The following PRKG1 variants were observed in gnomAD, a reference collection of about 807,000 sequenced individuals.
PRKG1 encodes the protein protein kinase cGMP-dependent 1.
Under a neutral mutation model 88.1 loss-of-function variants are expected in PRKG1, and 35 were observed. The observed-to-expected ratio is 0.40, with a 90% CI of 0.30 to 0.53. PRKG1 has a LOEUF of 0.53. Among genes scored for constraint, PRKG1 ranks in the 20% least tolerant of loss-of-function variants. The probability of loss-of-function intolerance (pLI) is 0.59; values close to 1 mark genes in which losing one functional copy is unlikely to be tolerated. For synonymous variants in PRKG1, 303 were observed against 292.5 expected, an observed-to-expected ratio of 1.04 and a Z score of -0.37; for missense variants, 540 against 839.8, an observed-to-expected ratio of 0.64 and a Z score of 4.41.
At chr10:51,894,386 C>T (rs57005928) in intron 4 of PRKG1, among the ~76,000 whole-genome samples, 4 of 152,064 alleles carry the variant, frequency 2.6e-5, no homozygotes, top group African/African-American at 9.7e-5. Flanking sequence ...AGAAAGTAGA[C>T]TAGTGGTTGA....
chr10:51,669,504 C>A (rs74906283), intron 3 of PRKG1, among the ~76,000 whole-genome samples: 2,131 of 152,246 alleles, frequency 0.014, 61 homozygotes, highest in African/African-American at 0.045. Flanking sequence ...GCTCATAGCA[C>A]ATAATATGGA....
intron 6 of PRKG1, among the ~76,000 whole-genome samples, chr10:52,059,583 T>G (rs1846188245): frequency 6.6e-6 from 1 of 152,014 alleles, no homozygotes; most frequent in Non-Finnish European, 1.5e-5. Context: ...CTCAAAAAGA[T>G]AAAATTAGTT....
chr10:51,044,653 G>T lies in PRKG1; in HGVS notation c.266+53009G>T, dbSNP rs116335304. 8.0e-3 allele frequency among the ~76,000 whole-genome samples: 1,219 copies of T among 152,082 alleles called. 23 individuals are homozygous for T. Among genetic ancestry groups the T allele is most frequent in the African/African-American group, 0.028 (1,141 of 41,464 alleles). Reference sequence around the variant, plus strand: ...CATAGCTTATAGACTCCCCTCCTTTGAGAGGCAAGGCAGGCTGTGGTGCCT... The same window carrying T: ...CATAGCTTATAGACTCCCCTCCTTTTAGAGGCAAGGCAGGCTGTGGTGCCT... On this transcript the variant is annotated intron_variant, in intron 1 of 17. Coordinates refer to the PRKG1 transcript ENST00000401604.
chr10:51,093,796 A>G (rs1171054940), intron 1 of PRKG1, among the ~76,000 whole-genome samples: 1 of 117,198 alleles, frequency 8.5e-6, no homozygotes, highest in Non-Finnish European at 1.6e-5. Flanking sequence ...TTTTATATAT[A>G]TATATACACA....
At chr10:51,708,532 C>T (rs1005111554) in intron 3 of PRKG1, among the ~76,000 whole-genome samples, 55 of 152,292 alleles carry the variant, frequency 3.6e-4, no homozygotes, top group African/African-American at 1.3e-3. Flanking sequence ...CACTCCCTTC[C>T]TCACTCCCTC....
chr10:52,062,515 C>T (rs1386385456), intron 6 of PRKG1, 22 bp from the exon 7 acceptor site: 3 of 1,506,380 alleles, frequency 2.0e-6, no homozygotes, highest in Non-Finnish European at 2.7e-6. Context: ...TGGATCTAAA[C>T]TTTCATTGTT....
chr10:52,215,029 A>G (rs1840074610), intron 9 of PRKG1, among the ~76,000 whole-genome samples: 2 of 128,676 alleles, frequency 1.6e-5, no homozygotes, highest in African/African-American at 6.1e-5. Flanking sequence ...TAATGATAAA[A>G]GTTTTTTCAA....
At chr10:51,370,411 G>T (rs1290365415) in intron 2 of PRKG1, among the ~76,000 whole-genome samples, 1 of 151,816 alleles carries the variant, frequency 6.6e-6, no homozygotes, top group Non-Finnish European at 1.5e-5. Context: ...TTCCTAAGGA[G>T]GCTGGAGGTT....
chr10:52,210,382 A>C (rs1488839328), intron 9 of PRKG1, among the ~76,000 whole-genome samples: 1 of 151,698 alleles, frequency 6.6e-6, no homozygotes, highest in African/African-American at 2.4e-5. Flanking sequence ...TATTCCTGTC[A>C]CTGGATTCTT....
chr10:51,269,873 G>A (rs1167330021), intron 2 of PRKG1, among the ~76,000 whole-genome samples: 7 of 152,216 alleles, frequency 4.6e-5, no homozygotes, highest in Middle Eastern at 3.4e-3. Context: ...AATAAAAAAG[G>A]AATCAAATGC....
At chr10:51,712,613 G>A (rs1456902354) in intron 3 of PRKG1, among the ~76,000 whole-genome samples, 16 of 115,128 alleles carry the variant, frequency 1.4e-4, no homozygotes, top group Admixed American at 1.3e-3. Context: ...TTTTTGAGAC[G>A]GAGTCTCGCT....
chr10:51,632,230 A>C (rs1318414594), intron 3 of PRKG1, among the ~76,000 whole-genome samples: 3 of 152,160 alleles, frequency 2.0e-5, no homozygotes, highest in African/African-American at 4.8e-5. Context: ...TGATCCTAGC[A>C]GATTAGAAAA....
At chr10:52,194,693 A>C (rs1054596061) in intron 9 of PRKG1, among the ~76,000 whole-genome samples, 1 of 152,180 alleles carries the variant, frequency 6.6e-6, no homozygotes, top group African/African-American at 2.4e-5. Context: ...AGTAAATTTC[A>C]ATTTAGCTAT....
In PRKG1 at chr10:52,187,292, A is replaced by G. The variant is rs542624309; in HGVS notation, c.1076+25329A>G. ...TTTTTACATTAGATGTTAAGTCACT[A>G]TAGTAGCCTCAAATGTATAATACAA... On this transcript the variant is annotated intron_variant, in intron 9 of 17. Transcript: ENST00000373980. Among the ~76,000 whole-genome samples, 9 of 152,298 alleles carry G rather than the reference A, an allele frequency of 5.9e-5. No individual in the cohort carries two copies. The East Asian group carries it at 1.3e-3, about 23-fold the overall frequency.
chr10:51,399,981 T>C (rs754035893), intron 2 of PRKG1, among the ~76,000 whole-genome samples: 1 of 152,164 alleles, frequency 6.6e-6, no homozygotes, highest in East Asian at 1.9e-4. Context: ...ATTCTCCCCA[T>C]TTCTCAAATC....
intron 4 of PRKG1, among the ~76,000 whole-genome samples, chr10:51,834,688 G>A (rs1475150265): frequency 1.7e-5 from 2 of 118,080 alleles, no homozygotes; most frequent in African/African-American, 3.9e-5. Context: ...CAGAAAGAAA[G>A]AAAGAAAGAG....
intron 9 of PRKG1, among the ~76,000 whole-genome samples, chr10:52,180,549 A>G (rs1457295554): frequency 2.6e-5 from 4 of 152,152 alleles, no homozygotes; most frequent in South Asian, 2.1e-4. Context: ...TTACTGATGT[A>G]TGTGGGTCTT....
At chr10:51,347,514 A>G (rs373210349) in intron 2 of PRKG1, among the ~76,000 whole-genome samples, 2 of 152,144 alleles carry the variant, frequency 1.3e-5, no homozygotes, top group Non-Finnish European at 2.9e-5. Context: ...CCAGCCAGAC[A>G]GTAGTCCCCC....
At chr10:52,239,495 AAAT>A (rs1323521482) in intron 9 of PRKG1, among the ~76,000 whole-genome samples, 5 of 145,974 alleles carry the variant, frequency 3.4e-5, no homozygotes, top group African/African-American at 1.2e-4. Context: ...AAAAAAATAA[AAAT>A]AAAAATAAAA....
Sources: gnomAD v4.1 joint callset for allele counts (sites outside exome capture counted in the v4.1 genomes callset) on GRCh38, gnomAD v4.1.1 for gene constraint, MANE v1.5 for transcripts, NCBI Gene and HGNC (gene_info 2026-07-23, HGNC 2026-07-21) for gene names.